TNS2: variants seen among roughly 807,000 people sequenced by gnomAD.
TNS2 encodes tensin-2.
A neutral mutation model predicts 155.7 loss-of-function variants in TNS2; 77 were observed. That is an observed-to-expected ratio of 0.49 (90% confidence interval 0.41 to 0.60). TNS2 has a LOEUF of 0.60. Ranked by LOEUF, TNS2 falls within the 20% of genes least tolerant of loss-of-function variation. The probability of loss-of-function intolerance (pLI) is 0.00; values close to 1 mark genes in which losing one functional copy is unlikely to be tolerated. For synonymous variants in TNS2, 726 were observed against 763.9 expected, an observed-to-expected ratio of 0.95 and a Z score of 0.82; for missense variants, 1,703 against 1,868.8, an observed-to-expected ratio of 0.91 and a Z score of 1.64.
At chr12:53,056,972 G>T (rs1364768429) in intron 10 of TNS2, 41 bp from the exon 11 acceptor site, 1 of 1,587,928 alleles carries the variant, frequency 6.3e-7, no homozygotes, top group Admixed American at 1.7e-5. Context: ...CCAGGATGAA[G>T]ATTAATCCCT....
At chr12:53,055,994 C>G (rs1592248052) in intron 10 of TNS2, 149 bp downstream of exon 10, 1 of 756,892 alleles carries the variant, frequency 1.3e-6, no homozygotes, top group Non-Finnish European at 2.1e-6. Flanking sequence ...ATCACTAGTA[C>G]TGCAACATAG....
Position 53,054,339 on chromosome 12 carries a change from C to A in TNS2, c.420C>A (p.Ile140=). The A allele has an allele frequency of 6.2e-7, 1 of 1,613,142 alleles. No individual in the cohort carries two copies. The highest frequency in any genetic ancestry group is 1.7e-5 in the Admixed American group (1 of 59,876). Residue 140 remains isoleucine, a synonymous_variant, in exon 7 of 29, where the codon ATC becomes ATA. Coordinates refer to ENST00000314250, the MANE Select transcript of TNS2 (RefSeq NM_170754.4). ...DLDLTYVTER[I]LAAAFPARPD... ...ACCTCACCTACGTGACGGAGCGCATCTTGGCCGCCGCCTTCCCCGCGCGGC... is the reference window on the plus strand; with the variant it reads ...ACCTCACCTACGTGACGGAGCGCATATTGGCCGCCGCCTTCCCCGCGCGGC...
In TNS2 at chr12:53,058,448, G is replaced by C; in HGVS notation, c.1225+3G>C. The C allele has an allele frequency of 1.2e-6, 2 of 1,614,144 alleles. No homozygotes were observed. The highest frequency in any genetic ancestry group is 1.7e-6 in the Non-Finnish European group (2 of 1,180,020). ...CCAGCTTGACGAGGCCTGGACTGGT[G>C]AGTCTGAGACAAGTGGCCTGGGGCT... is the stretch of plus-strand genomic sequence containing the variant. On this transcript the variant is annotated splice_donor_region_variant and intron_variant, in intron 15 of 28. Transcript: ENST00000314250.
At chr12:53,058,858 C>A (rs554540015) in intron 17 of TNS2, 31 bp downstream of exon 17, 1 of 1,608,734 alleles carries the variant, frequency 6.2e-7, no homozygotes, top group Non-Finnish European at 8.5e-7. Context: ...GTGGGAGGTA[C>A]AGGGTTGTGG....
Position 53,063,470 on chromosome 12 carries a change from C to T in TNS2, c.4061+53C>T. The T allele has an allele frequency of 1.9e-6, 3 of 1,612,466 alleles. No individual in the cohort carries two copies. The highest frequency in any genetic ancestry group is 1.7e-6 in the Non-Finnish European group (2 of 1,179,862). On this transcript the variant is annotated intron_variant, in intron 27 of 28. Transcript: ENST00000314250. This position sits in a 1 kb window ranked among gnomAD's most constrained non-coding sequence, Gnocchi z 5.6. ...CAAATCCCCATGGTCCCACCAGGTC[C>T]CAGCTCCCAGCCCCAGCCCCAGCCC...
At chr12:53,061,698 A>C in intron 21 of TNS2, 117 bp from the exon 22 acceptor site, 1 of 1,511,026 alleles carries the variant, frequency 6.6e-7, no homozygotes, top group South Asian at 1.3e-5. Flanking sequence ...TCTTACCGCC[A>C]CCACAGCTGT....
chr12:53,055,774 C>G lies in TNS2; in HGVS notation c.697-7C>G, dbSNP rs895806137. On this transcript the variant is annotated splice_polypyrimidine_tract_variant and splice_region_variant and intron_variant, in intron 9 of 28. Coordinates refer to ENST00000314250, the MANE Select transcript of TNS2 (RefSeq NM_170754.4). The stretch of plus-strand genomic sequence containing the variant: ...CAGACCCTCATCCCTGTCTCTCTGT[C>G]TGTCAGGGAAACAAGGGCAAGCTTG... 1 of 1,614,232 alleles carries G rather than the reference C, an allele frequency of 6.2e-7. No individual in the cohort carries two copies. The highest frequency in any genetic ancestry group is 8.5e-7 in the Non-Finnish European group (1 of 1,180,044).
intron 3 of TNS2, 104 bp downstream of exon 3, chr12:53,052,596 C>T (rs1481484230): frequency 6.8e-7 from 1 of 1,470,340 alleles, no homozygotes; most frequent in Admixed American, 1.7e-5. Context: ...CACCTCCACC[C>T]CTCTCACCAC....
At chr12:53,061,530 T>C (rs1315051227) in intron 21 of TNS2, 61 bp downstream of exon 21, 1 of 1,566,512 alleles carries the variant, frequency 6.4e-7, no homozygotes, top group African/African-American at 1.4e-5. Flanking sequence ...CTGTCTTGGC[T>C]TTAAGTCCCA....
At position 53,063,253 on chromosome 12, in the gene TNS2, A is replaced by C. The variant is rs1219953749; in HGVS notation, c.3988A>C (p.Arg1330=). The C allele has an allele frequency of 6.2e-7, 1 of 1,613,182 alleles. No homozygotes were observed. The highest frequency in any genetic ancestry group is 8.5e-7 in the Non-Finnish European group (1 of 1,179,644). The change falls in exon 26 of 29, where the codon AGG becomes CGG. Residue 1330 remains arginine, a synonymous_variant. Transcript: ENST00000314250. This position sits in a 1 kb window ranked among gnomAD's most constrained non-coding sequence, Gnocchi z 5.6. ...GGGCATTACACTGACGGACAACCAA[A>C]GGAAGTATGTATACTCAGCCCTGTA... ...AQGITLTDNQ[R]KLFFRRHYPV...
intron 22 of TNS2, 66 bp from the exon 23 acceptor site, chr12:53,062,087 T>A (rs1211718808): frequency 6.2e-7 from 1 of 1,611,550 alleles, no homozygotes; most frequent in Non-Finnish European, 8.5e-7. Context: ...CGGGAAAGAA[T>A]CCCATTAGGG....
chr12:53,049,939 T>C (rs1233094645), upstream of TNS2: 11 of 979,488 alleles, frequency 1.1e-5, no homozygotes, highest in Non-Finnish European at 1.6e-5. Flanking sequence ...GCAGGGTAGA[T>C]CCTGGGAATC....
At position 53,061,802 on chromosome 12, in the gene TNS2, C is replaced by A; in HGVS notation, c.3449-13C>A. ...AAACTCCTCCCCACTGCCCGCTACC[C>A]CTCACCCTGCAGCCATTGCCCTGCT... On this transcript the variant is annotated splice_polypyrimidine_tract_variant and intron_variant, in intron 21 of 28. Coordinates refer to ENST00000314250, the MANE Select transcript of TNS2 (RefSeq NM_170754.4). 1 of 1,609,336 alleles carries A rather than the reference C, an allele frequency of 6.2e-7. No individual in the cohort carries two copies.
At chr12:53,051,798 G>A (rs1260645139) in intron 1 of TNS2, 57 bp from the exon 2 acceptor site, 32 of 1,374,076 alleles carry the variant, frequency 2.3e-5, no homozygotes, top group Non-Finnish European at 2.7e-5. Flanking sequence ...GCCCAGTCCC[G>A]GAGATGGAGA....
In TNS2 at chr12:53,060,282, T is replaced by C; in HGVS notation, c.2617+24T>C. 1 of 1,536,966 alleles carries C rather than the reference T, an allele frequency of 6.5e-7. No individual in the cohort carries two copies. The highest frequency in any genetic ancestry group is 8.8e-7 in the Non-Finnish European group (1 of 1,141,454). On this transcript the variant is annotated intron_variant, in intron 18 of 28. Transcript: ENST00000314250. This position sits in a 1 kb window ranked among gnomAD's most constrained non-coding sequence, Gnocchi z 6.1. ...AGGTGAGGGGCACCAGAGTGCGGAG[T>C]GCCCAGGGCAGAGGAGGTTCTGGAA...
intron 10 of TNS2, chr12:53,056,052 G>A (rs1426946126): frequency 3.4e-6 from 2 of 581,174 alleles, no homozygotes; most frequent in African/African-American, 3.8e-5. Context: ...CACAAACAGG[G>A]TGGTGTAAAA....
intron 2 of TNS2, 180 bp downstream of exon 2, chr12:53,052,143 C>T (rs1241765747): frequency 3.3e-6 from 2 of 615,248 alleles, no homozygotes; most frequent in African/African-American, 1.9e-5. Context: ...TGACAGACAC[C>T]TCCCATAACC....
chr12:53,048,075 T>C (rs935910442), upstream of TNS2, among the ~76,000 whole-genome samples: 43 of 149,528 alleles, frequency 2.9e-4, no homozygotes, highest in African/African-American at 1.0e-3. Flanking sequence ...GGGAGGAGGG[T>C]GAGGGTCCAA....
At position 53,057,805 on chromosome 12, in the gene TNS2, A is replaced by T; in HGVS notation, c.991A>T (p.Met331Leu). The T allele has an allele frequency of 6.2e-7, 1 of 1,613,944 alleles. No individual in the cohort carries two copies. Among genetic ancestry groups the T allele is most frequent in the Non-Finnish European group, 8.5e-7 (1 of 1,180,010 alleles). Reference protein sequence around the residue: ...FQPFLKIYQSMQLVYTSGVYH... With the variant: ...FQPFLKIYQSLQLVYTSGVYH... ...GCCCTTCCTTAAAATCTACCAGTCC[A>T]TGCAGCTTGTCTACACATCTGGAGT... Residue 331 changes from methionine (M) to leucine (L), a missense_variant, in exon 13 of 29, where the codon ATG (methionine) becomes TTG (leucine). Coordinates refer to ENST00000314250, the MANE Select transcript of TNS2 (RefSeq NM_170754.4).
Sources: allele counts gnomAD v4.1 joint callset (sites outside exome capture counted in the v4.1 genomes callset), GRCh38; gene constraint gnomAD v4.1.1; non-coding constraint Gnocchi (gnomAD v3.1); transcripts MANE v1.5; gene names NCBI Gene and HGNC (gene_info 2026-07-23, HGNC 2026-07-21).